Variants in PCDHA4 observed in about 807,000 individuals in gnomAD.
The protein encoded by PCDHA4 is protocadherin alpha 4.
Under a neutral mutation model 61.4 loss-of-function variants are expected in PCDHA4, and 49 were observed. That is an observed-to-expected ratio of 0.80 (90% CI 0.63 to 1.01). The LOEUF (loss-of-function observed/expected upper bound fraction) is 1.01. Among genes scored for constraint, PCDHA4 ranks in the 50% least tolerant of loss-of-function variants. The pLI is 0.00. For missense variants in PCDHA4, 1,254 were observed against 1,235.8 expected (o/e 1.01, Z -0.22); for synonymous variants, 590 against 550.3 (o/e 1.07, Z -1.01).
chr5:140,944,277 C>T (rs922160593), intron 1 of PCDHA4, among the ~76,000 whole-genome samples: 1 of 152,044 alleles, frequency 6.6e-6, no homozygotes, highest in Non-Finnish European at 1.5e-5. Flanking sequence ...AGCCTTGACA[C>T]CCCGGGCTCA....
chr5:140,822,084 C>A (rs2150113560), intron 1 of PCDHA4: 76 of 1,614,106 alleles, frequency 4.7e-5, no homozygotes, highest in Non-Finnish European at 6.4e-5. Context: ...AGTGCAGCAT[C>A]CACCTGGAGG....
intron 1 of PCDHA4, chr5:140,883,514 G>A: frequency 6.2e-7 from 1 of 1,614,220 alleles, no homozygotes; most frequent in Non-Finnish European, 8.5e-7. Context: ...CCTGGACCGC[G>A]AGAGCGTATC....
chr5:140,977,850 T>C (rs1416064195), intron 1 of PCDHA4, among the ~76,000 whole-genome samples: 5 of 152,236 alleles, frequency 3.3e-5, no homozygotes, highest in African/African-American at 1.2e-4. Flanking sequence ...TATGGCTTTG[T>C]TTCTACCAAA....
intron 1 of PCDHA4, chr5:140,850,329 C>T: frequency 6.3e-7 from 1 of 1,597,650 alleles, no homozygotes; most frequent in Non-Finnish European, 8.6e-7. Context: ...ATACGAGCTG[C>T]AGCCAGAAAC....
At chr5:140,928,681 TC>T (rs782384924) in intron 1 of PCDHA4, 4 of 1,614,062 alleles carry the variant, frequency 2.5e-6, no homozygotes. Flanking sequence ...TGCCTGGCTT[TC>T]CTACCACATC....
At position 140,869,590 on chromosome 5, in the gene PCDHA4, G is replaced by A. The variant is rs372301742; in HGVS notation, c.2385+60018G>A. 61 of 1,613,984 alleles carry A rather than the reference G, an allele frequency of 3.8e-5. No individual in the cohort carries two copies. The highest frequency in any genetic ancestry group is 4.9e-5 in the Non-Finnish European group (58 of 1,180,038). ...AGAGGGAGCTTCTGATGCTGACATT[G>A]AAGAGAATGCTCTATTGACCTACAG... On this transcript the variant is annotated intron_variant, in intron 1 of 3. Coordinates refer to ENST00000530339, the MANE Select transcript of PCDHA4 (RefSeq NM_018907.4).
At chr5:140,816,460 T>C (rs1765910605) in intron 1 of PCDHA4, 1 of 152,214 alleles carries the variant, frequency 6.6e-6, no homozygotes, top group Non-Finnish European at 1.5e-5. Flanking sequence ...CTTTGTCAAG[T>C]AATTCACATA....
intron 1 of PCDHA4, among the ~76,000 whole-genome samples, chr5:140,827,408 A>G (rs1361434202): frequency 1.3e-5 from 2 of 152,254 alleles, no homozygotes; most frequent in Non-Finnish European, 2.9e-5. Context: ...GTGATAAAGA[A>G]TATGCTCTAG....
At chr5:140,994,178 A>G (rs2097601690) in intron 3 of PCDHA4, among the ~76,000 whole-genome samples, 1 of 152,226 alleles carries the variant, frequency 6.6e-6, no homozygotes, top group Admixed American at 6.5e-5. Context: ...AAGCTGGGAC[A>G]AACCACCAGG....
intron 1 of PCDHA4, chr5:140,966,679 G>T: frequency 1.5e-6 from 2 of 1,317,678 alleles, no homozygotes; most frequent in Admixed American, 3.8e-5. Context: ...AGGGTGGCAC[G>T]AGCGGAGGCG....
In PCDHA4 at chr5:141,011,214, T is replaced by C. The variant is rs2098419822; in HGVS notation, c.*1277T>C. On this transcript the variant is annotated 3_prime_UTR_variant, in exon 4 of 4. Transcript: ENST00000530339. ...ATTGTTTTCTCATACAGTGAGCAGA[T>C]TTTTCAATCTACTAATTCTGTGACT... 1 of 153,748 alleles carries C rather than the reference T, an allele frequency of 6.5e-6. No individual in the cohort carries two copies. Among genetic ancestry groups the C allele is most frequent in the African/African-American group, 2.4e-5 (1 of 41,448 alleles). The allele number at this position is 153,748 out of a possible 1,614,324, so 9.5% of individuals were successfully genotyped here. A position where few individuals can be genotyped will look rare whatever the true frequency, so the allele number is the denominator to read the frequency against.
chr5:140,822,352 C>G, intron 1 of PCDHA4: 1 of 1,614,074 alleles, frequency 6.2e-7, no homozygotes, highest in South Asian at 1.1e-5. Context: ...CTTTTTAGAG[C>G]TGGTTTTGAG....
intron 3 of PCDHA4, among the ~76,000 whole-genome samples, chr5:141,000,419 A>G (rs1394449061): frequency 1.6e-5 from 1 of 61,008 alleles, no homozygotes; most frequent in African/African-American, 7.6e-5. Flanking sequence ...ATATATATAT[A>G]TATTTTTTTT....
intron 1 of PCDHA4, among the ~76,000 whole-genome samples, chr5:140,908,385 G>A (rs1318647483): frequency 6.6e-6 from 1 of 152,222 alleles, no homozygotes. Context: ...GCTCGAGCCC[G>A]ATCACATATA....
chr5:140,982,584 C>T (rs1554244599), intron 3 of PCDHA4, 21 bp downstream of exon 3: 1 of 1,612,032 alleles, frequency 6.2e-7, no homozygotes, highest in East Asian at 2.2e-5. Flanking sequence ...GGGGTCTCTC[C>T]ATTCTTTCTT....
chr5:140,921,030 G>C (rs1266143728), intron 1 of PCDHA4, among the ~76,000 whole-genome samples: 2 of 151,532 alleles, frequency 1.3e-5, no homozygotes, highest in Admixed American at 6.6e-5. Context: ...TCTAGACTGG[G>C]GTGCAGTGGG....
chr5:140,999,523 C>T (rs115576128), intron 3 of PCDHA4, among the ~76,000 whole-genome samples: 1 of 152,026 alleles, frequency 6.6e-6, no homozygotes, highest in Non-Finnish European at 1.5e-5. Context: ...CATTTTGTTA[C>T]CCCCTGGATA....
chr5:140,852,648 C>A, intron 1 of PCDHA4: 1 of 958,186 alleles, frequency 1.0e-6, no homozygotes, highest in Non-Finnish European at 1.3e-6. Context: ...TTAAACCTAT[C>A]TATATCTGTC....
rs2150175882 is a variant in PCDHA4, at chr5:140,829,839, G to A, written c.2385+20267G>A. The A allele has an allele frequency of 1.2e-6, 2 of 1,613,930 alleles. No individual in the cohort carries two copies. The highest frequency in any genetic ancestry group is 1.3e-5 in the African/African-American group (1 of 75,056). ...GGTGCAGTGAGCGAGCTGGTGCCGC[G>A]GTCACTGGGTGCAGGCCAAGTGGTG... On this transcript the variant is annotated intron_variant, in intron 1 of 3. Transcript: ENST00000530339.
Sources: allele counts gnomAD v4.1 joint callset (sites outside exome capture counted in the v4.1 genomes callset), GRCh38; gene constraint gnomAD v4.1.1; transcripts MANE v1.5; gene names NCBI Gene and HGNC (gene_info 2026-07-23, HGNC 2026-07-21).